Variants in MYO1D observed in about 807,000 individuals in gnomAD.
The protein encoded by MYO1D is unconventional myosin-Id.
A neutral mutation model predicts 122.0 loss-of-function variants in MYO1D; 83 were observed. That is an observed-to-expected ratio of 0.68 (90% CI 0.57 to 0.82). The LOEUF is 0.82. MYO1D is among the 40% of genes least tolerant of loss of function. MYO1D has a pLI of 0.00. For missense variants in MYO1D, 1,157 were observed against 1,269.5 expected (o/e 0.91, Z 1.35); for synonymous variants, 464 against 446.9 (o/e 1.04, Z -0.48).
intron 19 of MYO1D, among the ~76,000 whole-genome samples, chr17:32,642,024 T>C (rs899492513): frequency 1.3e-5 from 2 of 152,106 alleles, no homozygotes; most frequent in Non-Finnish European, 1.5e-5. Context: ...TGTCTGAATG[T>C]TATTGCCTAG....
chr17:32,854,372 TC>T (rs1433609814), intron 1 of MYO1D, among the ~76,000 whole-genome samples: 6 of 152,238 alleles, frequency 3.9e-5, no homozygotes, highest in African/African-American at 1.4e-4. Context: ...TCAGAATTCC[TC>T]ACAAATGAGT....
chr17:32,554,734 G>GA (rs918786543), intron 21 of MYO1D, among the ~76,000 whole-genome samples: 4 of 151,864 alleles, frequency 2.6e-5, no homozygotes, highest in African/African-American at 9.6e-5. Context: ...CACACCAAAA[G>GA]AAAAAAAATC....
intron 1 of MYO1D, among the ~76,000 whole-genome samples, chr17:32,791,642 C>T (rs905701485): frequency 6.6e-6 from 1 of 151,952 alleles, no homozygotes; most frequent in Non-Finnish European, 1.5e-5. Flanking sequence ...GCAAATAGAG[C>T]AAAATGTAAA....
At chr17:32,641,589 G>T (rs2088201816) in intron 19 of MYO1D, among the ~76,000 whole-genome samples, 1 of 152,170 alleles carries the variant, frequency 6.6e-6, no homozygotes, top group African/African-American at 2.4e-5. Flanking sequence ...ATCCTCTCCA[G>T]CACCTGTTGT....
intron 14 of MYO1D, chr17:32,727,642 GA>G (rs2089592610): frequency 1.3e-5 from 2 of 152,194 alleles, no homozygotes; most frequent in South Asian, 4.1e-4. Context: ...CAGAAAAAAA[GA>G]AAATAAATAC....
At chr17:32,729,088 G>C (rs2089608024) in intron 14 of MYO1D, among the ~76,000 whole-genome samples, 1 of 152,100 alleles carries the variant, frequency 6.6e-6, no homozygotes, top group African/African-American at 2.4e-5. Flanking sequence ...GGCAAATTCA[G>C]AGTGTCTTAT....
intron 16 of MYO1D, among the ~76,000 whole-genome samples, chr17:32,685,857 C>T (rs2088997927): frequency 1.3e-5 from 2 of 152,224 alleles, no homozygotes; most frequent in African/African-American, 4.8e-5. Flanking sequence ...TCACTTCTGC[C>T]TTCTTGACCT....
intron 1 of MYO1D, among the ~76,000 whole-genome samples, chr17:32,852,510 T>C (rs2090997961): frequency 1.3e-5 from 2 of 152,196 alleles, no homozygotes; most frequent in African/African-American, 2.4e-5. Flanking sequence ...ATTGTGATCT[T>C]AGAAAATAAT....
intron 16 of MYO1D, among the ~76,000 whole-genome samples, chr17:32,692,350 T>C (rs1227531328): frequency 1.3e-5 from 2 of 152,228 alleles, no homozygotes; most frequent in Non-Finnish European, 1.5e-5. Flanking sequence ...TACTGTAGGC[T>C]TCACACTTAA....
intron 11 of MYO1D, among the ~76,000 whole-genome samples, chr17:32,752,762 C>T (rs1448669639): frequency 1.3e-5 from 2 of 152,016 alleles, no homozygotes; most frequent in Non-Finnish European, 2.9e-5. Context: ...CTAAAAATGT[C>T]AAAAACAGAT....
At chr17:32,804,920 T>C (rs2090497093) in intron 1 of MYO1D, among the ~76,000 whole-genome samples, 2 of 152,202 alleles carry the variant, frequency 1.3e-5, no homozygotes, top group African/African-American at 4.8e-5. Flanking sequence ...TCCTGTATGA[T>C]ACAAGCTGGA....
intron 4 of MYO1D, among the ~76,000 whole-genome samples, chr17:32,773,253 C>T (rs960603347): frequency 4.6e-5 from 7 of 152,212 alleles, no homozygotes; most frequent in Admixed American, 1.3e-4. Context: ...TTCGGCGCCA[C>T]CCTTCAATCT....
At chr17:32,814,904 T>C (rs1385459737) in intron 1 of MYO1D, among the ~76,000 whole-genome samples, 1 of 152,216 alleles carries the variant, frequency 6.6e-6, no homozygotes, top group Admixed American at 6.5e-5. Flanking sequence ...CTTCAACACA[T>C]GACTTCAAGT....
chr17:32,687,443 C>T (rs762585338), intron 16 of MYO1D, among the ~76,000 whole-genome samples: 9 of 152,156 alleles, frequency 5.9e-5, no homozygotes, highest in African/African-American at 1.4e-4. Flanking sequence ...ATGATCCACC[C>T]GCCTTGGCCT....
At chr17:32,531,114 C>T (rs977303569) in intron 21 of MYO1D, 10 of 152,372 alleles carry the variant, frequency 6.6e-5, no homozygotes, top group African/African-American at 2.4e-4. Flanking sequence ...GGACCTGCTC[C>T]CTCTCCTCCA....
At chr17:32,783,157 C>A (rs73984812) in intron 1 of MYO1D, among the ~76,000 whole-genome samples, 60 of 145,268 alleles carry the variant, frequency 4.1e-4, no homozygotes, top group African/African-American at 4.0e-4. Context: ...ACTGTCCAAA[C>A]AAAAAAAAAA....
chr17:32,687,646 T>C (rs2089037459), intron 16 of MYO1D, among the ~76,000 whole-genome samples: 2 of 152,176 alleles, frequency 1.3e-5, no homozygotes, highest in South Asian at 2.1e-4. Context: ...CCTGGCCCAG[T>C]TGGGAATAAC....
At chr17:32,649,105 C>T (rs558161860) in intron 19 of MYO1D, among the ~76,000 whole-genome samples, 9 of 152,276 alleles carry the variant, frequency 5.9e-5, no homozygotes, top group Non-Finnish European at 8.8e-5. Flanking sequence ...TTTACTTCTA[C>T]ATATATTATA....
chr17:32,514,381 C>T (rs1172781782), intron 21 of MYO1D, among the ~76,000 whole-genome samples: 3 of 152,104 alleles, frequency 2.0e-5, no homozygotes, highest in Non-Finnish European at 2.9e-5. Context: ...GTGTAAGCCA[C>T]CGCGGATGCC....
Sources: allele counts gnomAD v4.1 joint callset (sites outside exome capture counted in the v4.1 genomes callset), GRCh38; gene constraint gnomAD v4.1.1; transcripts MANE v1.5; gene names NCBI Gene and HGNC (gene_info 2026-07-23, HGNC 2026-07-21).